FSCN2: variants seen among roughly 807,000 people sequenced by gnomAD.
FSCN2 encodes fascin-2.
In FSCN2, 46 loss-of-function variants were observed where a neutral mutation model predicts 37.8. The observed-to-expected ratio is 1.22, with a 90% CI of 0.96 to 1.56. The LOEUF (loss-of-function observed/expected upper bound fraction) is 1.56, where lower values mean the gene tolerates loss of function less well. Among genes scored for constraint, FSCN2 ranks in the 40% most tolerant of loss-of-function variants. FSCN2 has a pLI of 0.00. For synonymous variants in FSCN2, 351 were observed against 309.4 expected (o/e 1.13, Z -1.41); for missense variants, 844 against 730.4 (o/e 1.16, Z -1.79).
At chr17:81,531,306 G>GCGA (rs2032559779) in intron 1 of FSCN2, among the ~76,000 whole-genome samples, 1 of 42,590 alleles carries the variant, frequency 2.3e-5, no homozygotes, top group African/African-American at 1.1e-4. Flanking sequence ...GATGGTGATG[G>GCGA]TGGTGGTGGT....
upstream of FSCN2, among the ~76,000 whole-genome samples, chr17:81,526,281 A>G (rs36013981): frequency 0.3 from 46,179 of 152,140 alleles, 7,905 homozygotes; most frequent in Non-Finnish European, 0.4. Flanking sequence ...GACCATGGGC[A>G]CAGCTGCCCC....
chr17:81,515,906 G>T, the FSCN2 span, among the ~76,000 whole-genome samples: 4 of 152,238 alleles, frequency 2.6e-5, no homozygotes, highest in Admixed American at 1.3e-4. Context: ...GCGCAGTGGC[G>T]CGATCTTGGC....
rs1598583014 is a variant in FSCN2, at chr17:81,536,959, T to C, written c.1358T>C (p.Phe453Ser). ...GERAEDFVFE[F>S]RERGRLAIRA... ...CGCGCCGAGGACTTCGTCTTCGAGT[T>C]CCGTGAGCGCGGCCGCCTGGCCATC... Residue 453 changes from phenylalanine to serine, a missense_variant, in exon 5 of 5, where the codon TTC becomes TCC. Transcript: ENST00000417245. 1.3e-6 allele frequency: 2 copies of C among 1,556,854 alleles called. No homozygotes were observed. Among genetic ancestry groups the C allele is most frequent in the East Asian group, 2.5e-5 (1 of 40,108 alleles).
At chr17:81,534,185 G>A (rs559575480) in intron 1 of FSCN2, among the ~76,000 whole-genome samples, 1 of 152,236 alleles carries the variant, frequency 6.6e-6, no homozygotes, top group African/African-American at 2.4e-5. Flanking sequence ...GAAGGCAAAA[G>A]GTCCCAAGCT....
chr17:81,531,611 G>A (rs1389066767), intron 1 of FSCN2, among the ~76,000 whole-genome samples: 1 of 148,462 alleles, frequency 6.7e-6, no homozygotes, highest in Non-Finnish European at 1.5e-5. Flanking sequence ...TGATAATGGT[G>A]ATGATGGTGA....
chr17:81,530,565 C>A, intron 1 of FSCN2: 1 of 508,754 alleles, frequency 2.0e-6, no homozygotes, highest in East Asian at 5.8e-5. Context: ...CATGGAGCTC[C>A]TCCTCCCAAC....
At chr17:81,533,434 G>A (rs1363558510) in intron 1 of FSCN2, among the ~76,000 whole-genome samples, 1 of 152,184 alleles carries the variant, frequency 6.6e-6, no homozygotes, top group African/African-American at 2.4e-5. Context: ...CTTCCCCGGA[G>A]TCCTCCGTTC....
the FSCN2 span, among the ~76,000 whole-genome samples, chr17:81,516,877 C>A: frequency 6.8e-6 from 1 of 146,302 alleles, no homozygotes; most frequent in African/African-American, 2.4e-5. Flanking sequence ...GTCCCCAGAC[C>A]AGGTCTCTGC....
chr17:81,531,612 A>ATGG (rs2032611955), intron 1 of FSCN2, among the ~76,000 whole-genome samples: 1 of 111,314 alleles, frequency 9.0e-6, no homozygotes, highest in Non-Finnish European at 1.8e-5. Context: ...GATAATGGTG[A>ATGG]TGATGGTGAT....
Position 81,536,349 on chromosome 17 carries a change from C to G in FSCN2, c.1105+82C>G, listed in dbSNP as rs536495215. On this transcript the variant is annotated intron_variant, in intron 3 of 4. Transcript: ENST00000417245. ...ACCTGCCCAGACACCCCATCTCCACCAAGAGCTGGACCCTCCCCAGCCCAC... is the reference window on the plus strand; with the variant it reads ...ACCTGCCCAGACACCCCATCTCCACGAAGAGCTGGACCCTCCCCAGCCCAC... The G allele has an allele frequency of 5.6e-5, 84 of 1,507,524 alleles. 1 individual carries two copies. In the Admixed American group the frequency reaches 1.6e-3, roughly 28 times the overall value. 93.4% of individuals were successfully genotyped at this position (1,507,524 alleles called of 1,614,324 possible). A position where few individuals can be genotyped will look rare whatever the true frequency, so the allele number is the denominator to read the frequency against.
chr17:81,522,222 GTCTCGAACTCC>G, the FSCN2 span, among the ~76,000 whole-genome samples: 3 of 152,164 alleles, frequency 2.0e-5, no homozygotes, highest in African/African-American at 7.2e-5. Context: ...GGGCAGGCTG[GTCTCGAACTCC>G]TGACCTCGTG....
chr17:81,536,882 C>G lies in FSCN2; in HGVS notation c.1281C>G (p.Asp427Glu). ...CGCCGTCCCGTCCCCCAGGCCGCGACGGAGGGTTCTGGTACACGGGCAGCC... is the reference window on the plus strand; with the variant it reads ...CGCCGTCCCGTCCCCCAGGCCGCGAGGGAGGGTTCTGGTACACGGGCAGCC... ...SDGAYRIRGR[D>E]GGFWYTGSHG... Residue 427 changes from aspartate to glutamate, a missense_variant, in exon 5 of 5, where the codon GAC becomes GAG. Physicochemically the swap from Asp to Glu is conservative, Grantham distance 45. Transcript: ENST00000417245. The G allele has an allele frequency of 6.4e-7, 1 of 1,571,954 alleles. No individual in the cohort carries two copies. Among genetic ancestry groups the G allele is most frequent in the Non-Finnish European group, 8.6e-7 (1 of 1,158,560 alleles).
At chr17:81,526,357 C>T (rs75110475), upstream of FSCN2, among the ~76,000 whole-genome samples, 3 of 152,322 alleles carry the variant, frequency 2.0e-5, no homozygotes, top group South Asian at 4.1e-4. Context: ...GGAGGCCGGG[C>T]GCAGTGGCCA....
upstream of FSCN2, among the ~76,000 whole-genome samples, chr17:81,525,716 CTCTG>C (rs566651334): frequency 7.2e-5 from 11 of 152,182 alleles, no homozygotes; most frequent in East Asian, 1.9e-3. Context: ...CAGTGTGAGA[CTCTG>C]TCTGAAAAAA....
At chr17:81,515,947 C>T in the FSCN2 span, among the ~76,000 whole-genome samples, 4 of 152,404 alleles carry the variant, frequency 2.6e-5, no homozygotes, top group East Asian at 7.7e-4. Context: ...GGGGTTCAAG[C>T]GATTCTCGGG....
upstream of FSCN2, among the ~76,000 whole-genome samples, chr17:81,524,491 C>T (rs548699853): frequency 4.9e-4 from 74 of 152,326 alleles, no homozygotes; most frequent in Non-Finnish European, 9.0e-4. Flanking sequence ...GGCGTGGAGC[C>T]CTCAGTGTGG....
At chr17:81,532,516 C>T (rs868824799) in intron 1 of FSCN2, among the ~76,000 whole-genome samples, 715 of 23,586 alleles carry the variant, frequency 0.03, 20 homozygotes, top group Non-Finnish European at 0.077. Flanking sequence ...ATAATGGTGA[C>T]GATGGTGATG....
intron 1 of FSCN2, among the ~76,000 whole-genome samples, chr17:81,531,312 GTGGTGATGA>G (rs2032561281): frequency 1.3e-4 from 8 of 59,956 alleles, no homozygotes; most frequent in East Asian, 5.6e-4. Flanking sequence ...GATGGTGGTG[GTGGTGATGA>G]TGGTGGTGGT....
intron 1 of FSCN2, among the ~76,000 whole-genome samples, chr17:81,532,226 G>C (rs554908195): frequency 1.1e-4 from 15 of 142,258 alleles, no homozygotes; most frequent in African/African-American, 3.7e-4. Flanking sequence ...TGGTGATGAT[G>C]ATAATGGTGA....
Sources: allele counts gnomAD v4.1 joint callset (sites outside exome capture counted in the v4.1 genomes callset), GRCh38; gene constraint gnomAD v4.1.1; transcripts MANE v1.5; gene names NCBI Gene and HGNC (gene_info 2026-07-23, HGNC 2026-07-21).